The following MAGT1 variants were observed in gnomAD, a reference collection of about 807,000 sequenced individuals.
MAGT1 encodes dolichyl-diphosphooligosaccharide--protein glycosyltransferase subunit MAGT1.
MAGT1 carries 4 observed loss-of-function variants against 28.4 expected under a neutral mutation model. The ratio of observed to expected loss-of-function variants is 0.14; its 90% confidence interval spans 0.07 to 0.32. The LOEUF (loss-of-function observed/expected upper bound fraction) is 0.32, where lower values mean the gene tolerates loss of function less well. Ranked by LOEUF, MAGT1 falls within the 10% of genes least tolerant of loss-of-function variation. MAGT1 has a pLI of 1.00. For missense variants in MAGT1, 193 were observed against 264.5 expected (o/e 0.73, Z 1.88); for synonymous variants, 89 against 89.7 (o/e 0.99, Z 0.04).
chrX:77,847,940 T>C (rs1270079295), intron 7 of MAGT1, among the ~76,000 whole-genome samples: 8 of 111,385 alleles, frequency 7.2e-5, no homozygotes, highest in African/African-American at 2.3e-4. Flanking sequence ...CAGGCTTTGA[T>C]TTCTGGGTAC....
Position 77,828,928 on chromosome X carries a change from T to C in MAGT1, c.*292A>G. 4.4e-6 allele frequency: 1 copy of C among 227,957 alleles called. No individual in the cohort carries two copies. The highest frequency in any genetic ancestry group is 7.9e-6 in the Non-Finnish European group (1 of 126,519). 18.8% of individuals were successfully genotyped at this position (227,957 alleles called of 1,213,427 possible). On this transcript the variant is annotated 3_prime_UTR_variant, in exon 10 of 10. Coordinates refer to ENST00000618282, the MANE Select transcript of MAGT1 (RefSeq NM_001367916.1). ...GAGCTTTGTTCTAACTAAAACAAAGTAGTAGTTTTACAATTTTTATAATAT... is the reference window on the plus strand; with the variant it reads ...GAGCTTTGTTCTAACTAAAACAAAGCAGTAGTTTTACAATTTTTATAATAT...
intron 7 of MAGT1, among the ~76,000 whole-genome samples, chrX:77,842,219 C>T (rs1012990452): frequency 9.2e-6 from 1 of 109,054 alleles, no homozygotes; most frequent in African/African-American, 3.3e-5. Context: ...ATGGTGAGAC[C>T]CTGTTTCTAC....
At chrX:77,847,800 C>T (rs781963625) in intron 7 of MAGT1, among the ~76,000 whole-genome samples, 4 of 109,500 alleles carry the variant, frequency 3.7e-5, no homozygotes, top group Non-Finnish European at 7.6e-5. Flanking sequence ...TGAGTAGAGA[C>T]GGGGTTTACC....
intron 1 of MAGT1, among the ~76,000 whole-genome samples, chrX:77,892,230 T>C (rs2077084792): frequency 8.9e-6 from 1 of 112,096 alleles, no homozygotes; most frequent in Non-Finnish European, 1.9e-5. Flanking sequence ...TACCCTATTA[T>C]TTAAAGTCAA....
intron 3 of MAGT1, among the ~76,000 whole-genome samples, chrX:77,869,157 G>A (rs1277113884): frequency 1.8e-5 from 2 of 110,573 alleles, no homozygotes; most frequent in Non-Finnish European, 3.8e-5. Flanking sequence ...TTGGGATTAC[G>A]GGCGCCCGCC....
At chrX:77,861,385 A>C (rs1557216465) in intron 3 of MAGT1, among the ~76,000 whole-genome samples, 1 of 111,655 alleles carries the variant, frequency 9.0e-6, no homozygotes, top group Non-Finnish European at 1.9e-5. Context: ...CAAACAAAAA[A>C]CCCCAGAAAA....
chrX:77,888,646 G>A (rs1276831015), intron 1 of MAGT1, among the ~76,000 whole-genome samples: 8 of 111,089 alleles, frequency 7.2e-5, no homozygotes, highest in Non-Finnish European at 1.5e-4. Context: ...TGGAATATAG[G>A]ATCTATTAAT....
intron 3 of MAGT1, among the ~76,000 whole-genome samples, chrX:77,865,342 T>C (rs1557216793): frequency 9.0e-6 from 1 of 110,765 alleles, no homozygotes; most frequent in East Asian, 2.8e-4. Context: ...CAGGCTGGAG[T>C]GCAGTGGCGC....
At chrX:77,837,404 A>T (rs1478555592) in intron 8 of MAGT1, 1 of 111,836 alleles carries the variant, frequency 8.9e-6, no homozygotes, top group African/African-American at 3.2e-5. Flanking sequence ...TTTTAAAAAA[A>T]TTTTAAAAAC....
intron 1 of MAGT1, among the ~76,000 whole-genome samples, chrX:77,877,013 C>CAAAAAAAAAAAAAAAAA (rs782800456): frequency 9.4e-4 from 10 of 10,627 alleles, no homozygotes; most frequent in Non-Finnish European, 1.3e-3. Flanking sequence ...AACTCCATCT[C>CAAAAAAAAAAAAAAAAA]AAAAAAAAAA....
intron 1 of MAGT1, among the ~76,000 whole-genome samples, chrX:77,883,083 T>C (rs959900165): frequency 9.8e-6 from 1 of 102,374 alleles, no homozygotes; most frequent in African/African-American, 3.5e-5. Flanking sequence ...ATAATTATAA[T>C]ATGTATTATA....
intron 8 of MAGT1, among the ~76,000 whole-genome samples, chrX:77,831,853 A>T (rs2076899492): frequency 9.0e-6 from 1 of 111,285 alleles, no homozygotes; most frequent in South Asian, 3.7e-4. Flanking sequence ...TCAGCCTCCC[A>T]AAGAGCTGGG....
rs368343097 is a variant in MAGT1 at position 77,857,374 on chromosome X, C to T, written c.514G>A (p.Asp172Asn). ...AAACTTACATTGACATCAGTTCTGT[C>T]GGCGATCCACCGGGCAATCTGCTCA... ...SAEQIARWIA[D>N]RTDVNIRVIR... Residue 172 changes from aspartate (D) to asparagine (N), a missense_variant, in exon 4 of 10, where the codon GAC becomes AAC. Physicochemically the swap from Asp to Asn is conservative, Grantham distance 23. Coordinates refer to ENST00000618282, the MANE Select transcript of MAGT1 (RefSeq NM_001367916.1). 7 of 1,209,461 alleles carry T rather than the reference C, an allele frequency of 5.8e-6. No individual in the cohort carries two copies. The highest frequency in any genetic ancestry group is 3.0e-5 in the East Asian group (1 of 33,764).
chrX:77,876,089 C>T (rs1291589111), intron 1 of MAGT1, among the ~76,000 whole-genome samples: 5 of 95,484 alleles, frequency 5.2e-5, no homozygotes, highest in Admixed American at 1.2e-4. Context: ...CCTCAGCTAC[C>T]GACAGTGCTG....
chrX:77,875,930 C>T lies in MAGT1; in HGVS notation c.103-333G>A, dbSNP rs782260200. Among the ~76,000 whole-genome samples the T allele has an allele frequency of 4.6e-5, 5 of 108,675 alleles. No homozygotes were observed. In the South Asian group the frequency reaches 1.2e-3, roughly 26 times the overall value. 94.4% of individuals were successfully genotyped at this position (108,675 alleles called of 115,157 possible). A position where few individuals can be genotyped will look rare whatever the true frequency, so the allele number is the denominator to read the frequency against. ...CACTGTAGCCTTGACCTCCTGGCCT[C>T]AAGGGATCCTCCCACCTCAGCCTCC... On this transcript the variant is annotated intron_variant, in intron 1 of 9. Transcript: ENST00000618282.
intron 8 of MAGT1, among the ~76,000 whole-genome samples, chrX:77,839,938 C>T (rs1338000542): frequency 2.7e-5 from 3 of 111,143 alleles, no homozygotes; most frequent in Admixed American, 9.7e-5. Context: ...TAAGCCACTG[C>T]GCCCGGCCAA....
chrX:77,852,588 GT>G (rs1201629583), intron 7 of MAGT1, among the ~76,000 whole-genome samples: 1 of 109,233 alleles, frequency 9.2e-6, no homozygotes, highest in African/African-American at 3.3e-5. Context: ...TTTAAGTTTC[GT>G]TTTTTTTCCC....
intron 3 of MAGT1, 31 bp downstream of exon 3, chrX:77,870,777 T>C: frequency 1.0e-6 from 1 of 988,662 alleles, no homozygotes; most frequent in Non-Finnish European, 1.4e-6. Flanking sequence ...TTTACCTATT[T>C]TTATATAGCA....
intron 3 of MAGT1, among the ~76,000 whole-genome samples, chrX:77,863,838 A>G (rs2077001239): frequency 9.0e-6 from 1 of 111,208 alleles, no homozygotes; most frequent in Non-Finnish European, 1.9e-5. Flanking sequence ...CCTGGCCAAC[A>G]TGGTGAAACC....
Sources: allele counts gnomAD v4.1 joint callset (sites outside exome capture counted in the v4.1 genomes callset), GRCh38; gene constraint gnomAD v4.1.1; transcripts MANE v1.5; gene names NCBI Gene and HGNC (gene_info 2026-07-23, HGNC 2026-07-21).